Variants in ASCC3 observed in about 807,000 individuals in gnomAD.
ASCC3 encodes the protein ASC-1 complex subunit P200.
A neutral mutation model predicts 256.3 loss-of-function variants in ASCC3; 158 were observed. The ratio of observed to expected loss-of-function variants is 0.62; its 90% CI spans 0.54 to 0.70. The LOEUF is 0.70. Ranked by LOEUF, ASCC3 falls within the 30% of genes least tolerant of loss-of-function variation. The pLI is 0.00. For missense variants in ASCC3, 2,259 were observed against 2,626.0 expected, an observed-to-expected ratio of 0.86 and a Z score of 3.05; for synonymous variants, 948 against 883.4, an observed-to-expected ratio of 1.07 and a Z score of -1.30.
chr6:100,574,505 A>G (rs1175639010), intron 36 of ASCC3, among the ~76,000 whole-genome samples: 1 of 151,986 alleles, frequency 6.6e-6, no homozygotes, highest in African/African-American at 2.4e-5. Context: ...TTTCTATTTT[A>G]ATGAGACTGT....
At chr6:100,833,222 T>G (rs1771705510) in intron 4 of ASCC3, among the ~76,000 whole-genome samples, 1 of 152,114 alleles carries the variant, frequency 6.6e-6, no homozygotes, top group Non-Finnish European at 1.5e-5. Flanking sequence ...ACATACTATA[T>G]GATTTCAACT....
chr6:100,522,513 ATGGGCTAGAGCTG>A (rs1454147659), intron 37 of ASCC3, among the ~76,000 whole-genome samples: 1 of 152,016 alleles, frequency 6.6e-6, no homozygotes, highest in African/African-American at 2.4e-5. Context: ...GAGAAAGTGT[ATGGGCTAGAGCTG>A]TGGACTTAGA....
At chr6:100,773,881 G>A (rs1242217984) in intron 8 of ASCC3, among the ~76,000 whole-genome samples, 1 of 152,092 alleles carries the variant, frequency 6.6e-6, no homozygotes, top group African/African-American at 2.4e-5. Context: ...ATTGAATCTA[G>A]CCAAAATATG....
chr6:100,566,174 A>G (rs1266512345), intron 36 of ASCC3, among the ~76,000 whole-genome samples: 2 of 152,198 alleles, frequency 1.3e-5, no homozygotes, highest in African/African-American at 4.8e-5. Flanking sequence ...TGTCCCTTAA[A>G]TATGTATAAT....
chr6:100,658,289 C>T (rs528551078), intron 16 of ASCC3, among the ~76,000 whole-genome samples: 13 of 151,440 alleles, frequency 8.6e-5, no homozygotes, highest in East Asian at 3.9e-4. Context: ...AAATCCCCCA[C>T]GAATTTGGTA....
At chr6:100,560,747 G>GAA (rs1320949972) in intron 36 of ASCC3, among the ~76,000 whole-genome samples, 5 of 90,452 alleles carry the variant, frequency 5.5e-5, no homozygotes, top group African/African-American at 2.2e-4. Context: ...CATCTTAGAG[G>GAA]AACACACACA....
Position 100,638,691 on chromosome 6 carries a change from A to G in ASCC3, c.4032T>C (p.Asn1344=), listed in dbSNP as rs745730574. 7.4e-6 allele frequency: 12 copies of G among 1,613,996 alleles called. No homozygotes were observed. Among genetic ancestry groups the G allele is most frequent in the Admixed American group, 1.7e-5 (1 of 59,998 alleles). Residue 1344 remains asparagine (N), a synonymous_variant, in exon 25 of 42, where the codon AAT becomes AAC. Coordinates refer to ENST00000369162, the MANE Select transcript of ASCC3 (RefSeq NM_006828.4). ...ATCCAGTAGGTGCTCCAAGTAGGAC[A>G]TTACAATCCGTGTGATACAATGTAT... ...IFHTLYHTDC[N]VLLGAPTGSG...
chr6:100,780,978 A>G (rs1363264641), intron 8 of ASCC3, among the ~76,000 whole-genome samples: 1 of 151,608 alleles, frequency 6.6e-6, no homozygotes, highest in East Asian at 1.9e-4. Context: ...CAAGAAATAT[A>G]AGAAGTATTT....
intron 8 of ASCC3, among the ~76,000 whole-genome samples, chr6:100,796,416 GTTATGGAAAGAACTATGCCC>G (rs901340865): frequency 7.2e-5 from 11 of 152,142 alleles, no homozygotes; most frequent in African/African-American, 2.7e-4. Context: ...CTTTATCTGT[GTTATGGAAAGAACTATGCCC>G]TTCAACATTT....
chr6:100,706,398 C>G (rs1778582806), intron 13 of ASCC3, among the ~76,000 whole-genome samples: 2 of 150,398 alleles, frequency 1.3e-5, no homozygotes, highest in African/African-American at 2.4e-5. Flanking sequence ...CCTTCTAATA[C>G]AAGCAGAAGA....
At chr6:100,820,865 C>G (rs1212096438) in intron 4 of ASCC3, among the ~76,000 whole-genome samples, 2 of 152,014 alleles carry the variant, frequency 1.3e-5, no homozygotes, top group Non-Finnish European at 2.9e-5. Flanking sequence ...GACCAATAAC[C>G]AGGATGAAAC....
intron 14 of ASCC3, among the ~76,000 whole-genome samples, chr6:100,666,271 AC>A (rs1477372429): frequency 1.3e-5 from 2 of 152,160 alleles, no homozygotes; most frequent in Non-Finnish European, 2.9e-5. Context: ...TATAAACAGA[AC>A]ATTTATAAAC....
intron 8 of ASCC3, among the ~76,000 whole-genome samples, chr6:100,779,139 G>C (rs2114253750): frequency 6.6e-6 from 1 of 151,986 alleles, no homozygotes; most frequent in South Asian, 2.1e-4. Flanking sequence ...GAACAGTTAA[G>C]TAAATTATGA....
intron 30 of ASCC3, among the ~76,000 whole-genome samples, chr6:100,618,957 G>A (rs1773806516): frequency 6.6e-6 from 1 of 152,150 alleles, no homozygotes; most frequent in African/African-American, 2.4e-5. Flanking sequence ...GCCATTGAAT[G>A]CACTGGTCTT....
In ASCC3 at chr6:100,647,393, G is replaced by A. The variant is rs1486540917; in HGVS notation, c.3311C>T (p.Thr1104Ile). 5 of 1,613,906 alleles carry A rather than the reference G, an allele frequency of 3.1e-6. No individual in the cohort carries two copies. The South Asian group carries it at 4.4e-5, about 14-fold the overall frequency. ...AAGATTCAGGAGCCTGTAGGTCATG[G>A]TAGGCCAACGTTTCCTCAGAGCAAT... ...FEIALRKRWP[T>I]MTYRLLNLSK... is the part of the protein sequence containing the mutation. The change falls in exon 21 of 42, where the codon ACC (threonine) becomes ATC (isoleucine). Residue 1104 changes from threonine (T) to isoleucine (I), a missense_variant. By Grantham distance (89) the Thr-to-Ile change is moderately conservative (BLOSUM62 -1). Coordinates refer to ENST00000369162, the MANE Select transcript of ASCC3 (RefSeq NM_006828.4).
intron 36 of ASCC3, among the ~76,000 whole-genome samples, chr6:100,574,068 C>A (rs1441685666): frequency 6.6e-6 from 1 of 152,042 alleles, no homozygotes; most frequent in African/African-American, 2.4e-5. Flanking sequence ...CAATGGCACA[C>A]AGAACTAGAT....
intron 3 of ASCC3, chr6:100,858,915 T>C: frequency 1.8e-6 from 1 of 564,550 alleles, no homozygotes; most frequent in South Asian, 2.1e-5. Flanking sequence ...TTGATTATTA[T>C]ATGCCTTTAA....
intron 10 of ASCC3, among the ~76,000 whole-genome samples, chr6:100,765,980 A>G (rs373596080): frequency 2.0e-5 from 3 of 152,264 alleles, no homozygotes; most frequent in South Asian, 4.1e-4. Context: ...TATTGCTTTC[A>G]ATACTAATCA....
chr6:100,863,949 C>T, intron 3 of ASCC3, 115 bp downstream of exon 3: 7 of 995,732 alleles, frequency 7.0e-6, no homozygotes. Flanking sequence ...ATTATGAATA[C>T]TTAGATGCCA....
Sources: gnomAD v4.1 joint callset for allele counts (sites outside exome capture counted in the v4.1 genomes callset) on GRCh38, gnomAD v4.1.1 for gene constraint, MANE v1.5 for transcripts, NCBI Gene and HGNC (gene_info 2026-07-23, HGNC 2026-07-21) for gene names.